PTK2: variants seen among roughly 807,000 people sequenced by gnomAD.
PTK2 encodes protein tyrosine kinase 2.
Under a neutral mutation model 150.1 loss-of-function variants are expected in PTK2, and 45 were observed. The observed-to-expected ratio is 0.30, with a 90% CI of 0.24 to 0.38. PTK2 has a LOEUF of 0.38. PTK2 is among the 10% of genes least tolerant of loss of function. The pLI is 1.00. For missense variants in PTK2, 919 were observed against 1,307.3 expected, an observed-to-expected ratio of 0.70 and a Z score of 4.58; for synonymous variants, 432 against 449.2, an observed-to-expected ratio of 0.96 and a Z score of 0.48.
chr8:140,871,852 C>T (rs1407407188), intron 4 of PTK2, among the ~76,000 whole-genome samples: 1 of 152,126 alleles, frequency 6.6e-6, no homozygotes, highest in Non-Finnish European at 1.5e-5. Context: ...GCACTCCAGC[C>T]TGTTTAACAA....
chr8:140,995,470 C>T (rs1375163215), intron 1 of PTK2, among the ~76,000 whole-genome samples: 3 of 151,540 alleles, frequency 2.0e-5, no homozygotes, highest in South Asian at 2.1e-4. Flanking sequence ...CACTTTAAAT[C>T]GAAAGCTAGA....
chr8:140,712,133 G>T (rs867068701), intron 23 of PTK2, among the ~76,000 whole-genome samples: 1 of 151,192 alleles, frequency 6.6e-6, no homozygotes, highest in South Asian at 2.1e-4. Flanking sequence ...CATACTGTTA[G>T]AAATTAAAAC....
At chr8:140,836,385 G>A (rs150704528) in intron 7 of PTK2, among the ~76,000 whole-genome samples, 28 of 152,250 alleles carry the variant, frequency 1.8e-4, no homozygotes, top group South Asian at 4.1e-4. Context: ...GAATACATAC[G>A]TGGTGATGAG....
chr8:140,793,906 A>G (rs1410118077), intron 12 of PTK2, among the ~76,000 whole-genome samples: 2 of 152,230 alleles, frequency 1.3e-5, no homozygotes, highest in Non-Finnish European at 2.9e-5. Context: ...AAGGTGAGCC[A>G]GGCAGCTATC....
At chr8:140,956,944 C>G (rs2100181412) in intron 1 of PTK2, among the ~76,000 whole-genome samples, 1 of 151,846 alleles carries the variant, frequency 6.6e-6, no homozygotes, top group African/African-American at 2.4e-5. Context: ...GCCTGTAGTC[C>G]CAGCTACTTG....
At chr8:140,887,672 T>C (rs985541698) in intron 3 of PTK2, among the ~76,000 whole-genome samples, 1 of 152,166 alleles carries the variant, frequency 6.6e-6, no homozygotes, top group African/African-American at 2.4e-5. Context: ...ACATAAGTAA[T>C]TTTAAAATTT....
intron 4 of PTK2, among the ~76,000 whole-genome samples, chr8:140,877,003 A>G (rs2100145922): frequency 7.5e-6 from 1 of 133,726 alleles, no homozygotes; most frequent in African/African-American, 2.9e-5. Context: ...TCTACCTACT[A>G]TGCATGTAAC....
At chr8:140,982,513 C>T (rs1011577452) in intron 1 of PTK2, among the ~76,000 whole-genome samples, 4 of 152,252 alleles carry the variant, frequency 2.6e-5, no homozygotes, top group East Asian at 1.9e-4. Flanking sequence ...AGGAGAATCG[C>T]TTGAACCCGG....
At chr8:140,671,862 G>T (rs1159033153) in intron 29 of PTK2, among the ~76,000 whole-genome samples, 8 of 148,032 alleles carry the variant, frequency 5.4e-5, no homozygotes, top group African/African-American at 2.0e-4. Context: ...AACCCGGGAG[G>T]CGGAGCTTGC....
chr8:140,744,789 G>GAAAAAAAAAAAAAAAA (rs372806706), intron 18 of PTK2, 22 bp from the exon 22 acceptor site: 2 of 668,264 alleles, frequency 3.0e-6, no homozygotes. Context: ...ATGACCAAAA[G>GAAAAAAAAAAAAAAAA]AAAAAAAAAA....
intron 5 of PTK2, among the ~76,000 whole-genome samples, chr8:140,847,263 A>G (rs781442648): frequency 6.6e-6 from 1 of 152,234 alleles, no homozygotes; most frequent in African/African-American, 2.4e-5. Context: ...TGTGCAGCTC[A>G]GATGTTTTCA....
chr8:140,734,895 A>G, intron 22 of PTK2: 1 of 422,818 alleles, frequency 2.4e-6, no homozygotes, highest in Non-Finnish European at 4.6e-6. Flanking sequence ...ATAAGTAGGT[A>G]TTGCTGGATC....
At chr8:140,733,123 G>A (rs563144864) in intron 22 of PTK2, among the ~76,000 whole-genome samples, 106 of 152,310 alleles carry the variant, frequency 7.0e-4, no homozygotes, top group Non-Finnish European at 1.2e-3. Flanking sequence ...CCAGACAGAT[G>A]GGAAAAGAGC....
At chr8:140,784,083 T>C (rs1055506677) in intron 14 of PTK2, among the ~76,000 whole-genome samples, 1 of 152,180 alleles carries the variant, frequency 6.6e-6, no homozygotes, top group Non-Finnish European at 1.5e-5. Context: ...GCAGGAGGCT[T>C]GAACCTGGGA....
At chr8:140,971,034 G>A (rs1461228193) in intron 1 of PTK2, among the ~76,000 whole-genome samples, 1 of 152,182 alleles carries the variant, frequency 6.6e-6, no homozygotes, top group Non-Finnish European at 1.5e-5. Context: ...TTCCTTGGTT[G>A]TTGACGTTGC....
At chr8:140,822,372 A>ACC (rs397778879) in intron 8 of PTK2, 1 of 146,888 alleles carries the variant, frequency 6.8e-6, no homozygotes, top group Non-Finnish European at 1.5e-5. Flanking sequence ...ACACACACAC[A>ACC]AACACACACA....
chr8:140,790,931 T>G (rs2100088054), intron 13 of PTK2, among the ~76,000 whole-genome samples: 1 of 152,196 alleles, frequency 6.6e-6, no homozygotes, highest in Admixed American at 6.5e-5. Flanking sequence ...ACACTGGGGT[T>G]TTCCCTTGTC....
chr8:140,803,191 T>A (rs2100096262), intron 11 of PTK2, among the ~76,000 whole-genome samples: 1 of 151,830 alleles, frequency 6.6e-6, no homozygotes, highest in Admixed American at 6.6e-5. Flanking sequence ...ATCTTTGTAT[T>A]TTTAATAGAG....
At chr8:140,660,670 G>T in intron 31 of PTK2, 1 of 454,248 alleles carries the variant, frequency 2.2e-6, no homozygotes, top group Non-Finnish European at 4.4e-6. Flanking sequence ...AGGTTGTAGT[G>T]AGCCAAGATC....
Sources: allele counts gnomAD v4.1 joint callset (sites outside exome capture counted in the v4.1 genomes callset), GRCh38; gene constraint gnomAD v4.1.1; transcripts MANE v1.5; gene names NCBI Gene and HGNC (gene_info 2026-07-23, HGNC 2026-07-21).